The following PAPPA variants were observed in gnomAD, a reference collection of about 807,000 sequenced individuals.
PAPPA encodes pappalysin 1, also known as pappalysin-1.
A neutral mutation model predicts 164.0 loss-of-function variants in PAPPA; 60 were observed. The observed-to-expected ratio is 0.37, with a 90% confidence interval of 0.30 to 0.45. PAPPA has a LOEUF of 0.45. Among genes scored for constraint, PAPPA ranks in the 20% least tolerant of loss-of-function variants. The pLI is 1.00. For missense variants in PAPPA, 1,782 were observed against 2,087.3 expected, an observed-to-expected ratio of 0.85 and a Z score of 2.85; for synonymous variants, 875 against 814.1, an observed-to-expected ratio of 1.07 and a Z score of -1.27.
Position 116,154,683 on chromosome 9 carries a change from C to T in PAPPA, c.415+96C>T, listed in dbSNP as rs1351253404. ...GGGTGGCGGGCGGGTCGGGGGCTTG[C>T]GGGCGTGTCTGTGCGAGAGCTGCCC... On this transcript the variant is annotated intron_variant, in intron 1 of 21. Transcript: ENST00000328252. The surrounding 1 kb of genome is among the most constrained non-coding windows in gnomAD (Gnocchi z 5.2). 8 of 1,228,464 alleles carry T rather than the reference C, an allele frequency of 6.5e-6. No homozygotes were observed. The highest frequency in any genetic ancestry group is 8.2e-6 in the Non-Finnish European group (8 of 980,962). The allele number at this position is 1,228,464 out of a possible 1,614,324, so 76.1% of individuals were successfully genotyped here.
At chr9:116,188,688 T>C (rs982186009) in intron 2 of PAPPA, among the ~76,000 whole-genome samples, 2 of 152,150 alleles carry the variant, frequency 1.3e-5, no homozygotes, top group Admixed American at 1.3e-4. Context: ...GTAGCTACCA[T>C]ACTGGCAAAG....
intron 19 of PAPPA, among the ~76,000 whole-genome samples, chr9:116,368,370 A>G (rs1846529748): frequency 1.3e-5 from 2 of 152,186 alleles, no homozygotes; most frequent in Non-Finnish European, 1.5e-5. Flanking sequence ...CATTGTCTGC[A>G]TTTTCCAGTT....
chr9:116,362,511 C>A (rs1262667432), intron 17 of PAPPA, 81 bp from the exon 18 acceptor site: 5 of 1,450,276 alleles, frequency 3.4e-6, no homozygotes, highest in Admixed American at 4.3e-5. Context: ...ATGAAAAATT[C>A]TTTTCTGTTG....
In PAPPA at chr9:116,399,656, C is replaced by T. The variant is rs937671228; in HGVS notation, c.*3040C>T. ...TAAGCCCTATTTAGGGAAGCTTTTC[C>T]AAGCCACAATCTTAACTACCTACCC... On this transcript the variant is annotated 3_prime_UTR_variant, in exon 22 of 22. Coordinates refer to ENST00000328252, the MANE Select transcript of PAPPA (RefSeq NM_002581.5). 2.6e-5 allele frequency: 4 copies of T among 152,572 alleles called. No homozygotes were observed. Among genetic ancestry groups the T allele is most frequent in the African/African-American group, 9.7e-5 (4 of 41,432 alleles). 9.5% of individuals were successfully genotyped at this position (152,572 alleles called of 1,614,324 possible).
chr9:116,173,294 T>C (rs1007297957), intron 1 of PAPPA, among the ~76,000 whole-genome samples: 3 of 152,174 alleles, frequency 2.0e-5, no homozygotes, highest in Non-Finnish European at 4.4e-5. Context: ...ATCAAACCTC[T>C]CTCTTTGAAA....
intron 6 of PAPPA, 66 bp downstream of exon 6, chr9:116,227,618 A>T: frequency 6.5e-7 from 1 of 1,530,674 alleles, no homozygotes. Context: ...TTCAATGTAT[A>T]TGGGGTTTTA....
chr9:116,254,777 G>A (rs1230769241), intron 7 of PAPPA, among the ~76,000 whole-genome samples: 102 of 113,736 alleles, frequency 9.0e-4, no homozygotes, highest in African/African-American at 3.2e-3. Flanking sequence ...GCAAGACTCC[G>A]TCTCAAAAAA....
chr9:116,313,491 T>C (rs1254163927), intron 10 of PAPPA, among the ~76,000 whole-genome samples: 2 of 152,222 alleles, frequency 1.3e-5, no homozygotes, highest in East Asian at 3.8e-4. Flanking sequence ...ATGTCTGCAG[T>C]GCAACTGACT....
chr9:116,232,389 AG>A (rs1168194632), intron 6 of PAPPA, among the ~76,000 whole-genome samples: 1 of 152,158 alleles, frequency 6.6e-6, no homozygotes, highest in Non-Finnish European at 1.5e-5. Flanking sequence ...ATCCTATTTG[AG>A]GTTTACAGCA....
At chr9:116,390,197 G>A (rs913770333) in intron 21 of PAPPA, among the ~76,000 whole-genome samples, 7 of 152,216 alleles carry the variant, frequency 4.6e-5, no homozygotes, top group Admixed American at 2.0e-4. Context: ...CAAGTCAGGA[G>A]GTCAGCGAAG....
chr9:116,320,922 G>T (rs999184285), intron 10 of PAPPA, among the ~76,000 whole-genome samples: 1 of 152,164 alleles, frequency 6.6e-6, no homozygotes, highest in African/African-American at 2.4e-5. Flanking sequence ...ATAGTGCTCC[G>T]CAGGTAGTGG....
chr9:116,328,858 C>T (rs1377967186), intron 10 of PAPPA, among the ~76,000 whole-genome samples: 1 of 152,172 alleles, frequency 6.6e-6, no homozygotes, highest in African/African-American at 2.4e-5. Flanking sequence ...GGCCAAAAGA[C>T]AAGACAACTT....
At chr9:116,237,295 T>G (rs747387194) in intron 7 of PAPPA, among the ~76,000 whole-genome samples, 5 of 152,220 alleles carry the variant, frequency 3.3e-5, no homozygotes, top group African/African-American at 4.8e-5. Flanking sequence ...TGTTTGAGAA[T>G]GTACTTAAAA....
chr9:116,392,109 G>T (rs1846900802), intron 21 of PAPPA, among the ~76,000 whole-genome samples: 1 of 152,226 alleles, frequency 6.6e-6, no homozygotes, highest in African/African-American at 2.4e-5. Context: ...AGTAAGAATA[G>T]TTACCTCTTA....
chr9:116,184,469 G>A (rs529120543), intron 1 of PAPPA, among the ~76,000 whole-genome samples: 22 of 151,982 alleles, frequency 1.4e-4, no homozygotes, highest in South Asian at 4.2e-4. Context: ...TTTGTTTCCC[G>A]TCATTTCCTC....
At chr9:116,301,574 C>T (rs1478656800) in intron 9 of PAPPA, among the ~76,000 whole-genome samples, 1 of 152,242 alleles carries the variant, frequency 6.6e-6, no homozygotes, top group Non-Finnish European at 1.5e-5. Flanking sequence ...AAGAAACATG[C>T]ATAGGTCACA....
intron 17 of PAPPA, among the ~76,000 whole-genome samples, chr9:116,354,107 T>G (rs1564238671): frequency 1.3e-5 from 2 of 152,164 alleles, no homozygotes; most frequent in Non-Finnish European, 2.9e-5. Context: ...TGTTGGTCCT[T>G]GAAGTATTTA....
At chr9:116,280,835 T>C (rs571281153) in intron 9 of PAPPA, among the ~76,000 whole-genome samples, 11 of 152,162 alleles carry the variant, frequency 7.2e-5, no homozygotes, top group Non-Finnish European at 1.5e-4. Context: ...AAAGGTGGAG[T>C]TGAGTCATTC....
At chr9:116,220,539 G>T (rs1844431315) in intron 5 of PAPPA, among the ~76,000 whole-genome samples, 1 of 123,996 alleles carries the variant, frequency 8.1e-6, no homozygotes, top group Admixed American at 9.4e-5. Context: ...CTTATATATG[G>T]ATATATATAT....
Sources: gnomAD v4.1 joint callset for allele counts (sites outside exome capture counted in the v4.1 genomes callset) on GRCh38, gnomAD v4.1.1 for gene constraint, Gnocchi (gnomAD v3.1) non-coding constraint, MANE v1.5 for transcripts, NCBI Gene and HGNC (gene_info 2026-07-23, HGNC 2026-07-21) for gene names.